The following TANGO6 variants were observed in gnomAD, a reference collection of about 807,000 sequenced individuals.
The protein encoded by TANGO6 is transport and golgi organization 6 homolog, also known as transport and Golgi organization protein 6 homolog.
Under a neutral mutation model 114.2 loss-of-function variants are expected in TANGO6, and 90 were observed. That is an observed-to-expected ratio of 0.79 (90% CI 0.66 to 0.94). The LOEUF is 0.94. Among genes scored for constraint, TANGO6 ranks in the 40% least tolerant of loss-of-function variants. The pLI is 0.00. For missense variants in TANGO6, 1,274 were observed against 1,315.3 expected, an observed-to-expected ratio of 0.97 and a Z score of 0.49; for synonymous variants, 477 against 509.8, an observed-to-expected ratio of 0.94 and a Z score of 0.87.
intron 14 of TANGO6, among the ~76,000 whole-genome samples, chr16:68,964,754 C>T (rs917411056): frequency 1.3e-5 from 2 of 151,228 alleles, no homozygotes; most frequent in African/African-American, 2.4e-5. Context: ...TCAGTAGAGA[C>T]GGGATTTCGC....
chr16:68,940,927 G>A (rs952314485), intron 14 of TANGO6, among the ~76,000 whole-genome samples: 3 of 152,132 alleles, frequency 2.0e-5, no homozygotes, highest in Non-Finnish European at 4.4e-5. Context: ...CGGCTGGGAA[G>A]CCAAACGAAG....
chr16:68,926,243 C>T (rs1963166086), intron 12 of TANGO6, among the ~76,000 whole-genome samples: 1 of 152,040 alleles, frequency 6.6e-6, no homozygotes, highest in Admixed American at 6.6e-5. Context: ...CCTGTAATTC[C>T]AGCACTTTGG....
chr16:69,006,054 C>G (rs1964089175), intron 15 of TANGO6, among the ~76,000 whole-genome samples: 1 of 152,138 alleles, frequency 6.6e-6, no homozygotes, highest in Non-Finnish European at 1.5e-5. Context: ...TATATTGTCA[C>G]CATCGTTTAC....
rs534527633 is a variant in TANGO6 at position 69,043,229 on chromosome 16, A to G, written c.3108+2808A>G. Among the ~76,000 whole-genome samples the G allele has an allele frequency of 2.1e-3, 323 of 152,218 alleles. 2 individuals carry two copies. The highest frequency in any genetic ancestry group is 0.01 in the Middle Eastern group (3 of 294). On this transcript the variant is annotated intron_variant, in intron 17 of 17. Coordinates refer to ENST00000261778, the MANE Select transcript of TANGO6 (RefSeq NM_024562.2). Reference sequence around the variant, plus strand: ...CGACAGAGAGAGACTCTGTAAGTGCACACACCCTTACTGAGTGAGAGAGTG... The same window carrying G: ...CGACAGAGAGAGACTCTGTAAGTGCGCACACCCTTACTGAGTGAGAGAGTG...
chr16:68,846,708 T>C (rs1211197133), intron 1 of TANGO6: 2 of 169,342 alleles, frequency 1.2e-5, no homozygotes, highest in African/African-American at 4.9e-5. Flanking sequence ...GTTTTCACCA[T>C]ATTGGCCAGG....
intron 15 of TANGO6, among the ~76,000 whole-genome samples, chr16:68,983,666 G>T (rs1963862119): frequency 6.6e-6 from 1 of 152,162 alleles, no homozygotes; most frequent in African/African-American, 2.4e-5. Context: ...CTGCAGTTGA[G>T]TGTGGCAGTG....
rs149632414 is a variant in TANGO6 at position 68,998,801 on chromosome 16, A to G, written c.2843-24027A>G. ...TATTAAACTTGGCCTGATCATGTAT[A>G]TAAAGTGCAGCAAGAATAATTATTT... On this transcript the variant is annotated intron_variant, in intron 15 of 17. Transcript: ENST00000261778. Among the ~76,000 whole-genome samples, 4 of 152,152 alleles carry G rather than the reference A, an allele frequency of 2.6e-5. No individual in the cohort carries two copies. The East Asian group carries it at 7.7e-4, about 29-fold the overall frequency.
At chr16:68,860,558 T>G in intron 2 of TANGO6, 34 bp downstream of exon 2, 5 of 1,595,148 alleles carry the variant, frequency 3.1e-6, no homozygotes, top group Non-Finnish European at 4.3e-6. Flanking sequence ...GAGGGAGAGA[T>G]TGTGTGTGTA....
intron 7 of TANGO6, among the ~76,000 whole-genome samples, chr16:68,889,198 T>C (rs770565744): frequency 6.6e-6 from 1 of 152,178 alleles, no homozygotes; most frequent in East Asian, 1.9e-4. Flanking sequence ...TTCCCATATA[T>C]CTATCTCCAG....
intron 16 of TANGO6, among the ~76,000 whole-genome samples, chr16:69,032,407 A>C (rs1959610828): frequency 1.3e-5 from 2 of 151,996 alleles, no homozygotes; most frequent in African/African-American, 4.8e-5. Flanking sequence ...CTGGGACTAC[A>C]GGCATGTGCC....
chr16:69,048,180 T>C (rs529542613), intron 17 of TANGO6, among the ~76,000 whole-genome samples: 1 of 152,008 alleles, frequency 6.6e-6, no homozygotes, highest in South Asian at 2.1e-4. Flanking sequence ...CCTCCTGGGT[T>C]CAAGCGATTC....
chr16:68,972,413 G>T (rs2152212516), intron 14 of TANGO6, among the ~76,000 whole-genome samples: 1 of 152,296 alleles, frequency 6.6e-6, no homozygotes, highest in East Asian at 1.9e-4. Flanking sequence ...GACTTTGCCT[G>T]CAAGGCTGTC....
chr16:68,875,990 A>G (rs1002151340), intron 5 of TANGO6, among the ~76,000 whole-genome samples: 10 of 152,140 alleles, frequency 6.6e-5, no homozygotes, highest in South Asian at 2.1e-4. Flanking sequence ...TCTCCCTACC[A>G]TTCCTGTTCT....
chr16:69,018,139 C>CTTTTTTTTTTTTTTTTTT lies in TANGO6; in HGVS notation c.2843-4684_2843-4667dup, dbSNP rs34796579. Among the ~76,000 whole-genome samples, 45 of 77,078 alleles carry CTTTTTTTTTTTTTTTTTT rather than the reference C, an allele frequency of 5.8e-4. 1 individual carries two copies. Among genetic ancestry groups the CTTTTTTTTTTTTTTTTTT allele is most frequent in the African/African-American group, 2.0e-3 (42 of 21,524 alleles). The allele number at this position is 77,078 out of a possible 152,430, so 50.6% of individuals were successfully genotyped here. ...CACCATGCCCAGCCGTTGGAAATCTCTTTTTTTTTTTTTTTTTTTTTTGAG... is the reference window on the plus strand; with the variant it reads ...CACCATGCCCAGCCGTTGGAAATCTCTTTTTTTTTTTTTTTTTTTTTTTTTTTTTTTTTTTTTTTTGAG... On this transcript the variant is annotated intron_variant, in intron 15 of 17. Coordinates refer to ENST00000261778, the MANE Select transcript of TANGO6 (RefSeq NM_024562.2).
At position 68,915,241 on chromosome 16, in the gene TANGO6, G is replaced by T. The variant is rs187645836; in HGVS notation, c.1993-3844G>T. Among the ~76,000 whole-genome samples, 11 of 151,486 alleles carry T rather than the reference G, an allele frequency of 7.3e-5. No individual in the cohort carries two copies. The East Asian group carries it at 1.9e-3, about 27-fold the overall frequency. ...TGGAAGGCTAAATAGTCCTAGTTGA[G>T]TAATTTAGGAATGCTTTATATATTT... On this transcript the variant is annotated intron_variant, in intron 11 of 17. Coordinates refer to ENST00000261778, the MANE Select transcript of TANGO6 (RefSeq NM_024562.2).
Position 68,963,765 on chromosome 16 carries a change from C to T in TANGO6, c.2702-10263C>T, listed in dbSNP as rs1963617806. Among the ~76,000 whole-genome samples the T allele has an allele frequency of 2.0e-5, 3 of 152,332 alleles. No homozygotes were observed. The South Asian group carries it at 6.2e-4, about 32-fold the overall frequency. On this transcript the variant is annotated intron_variant, in intron 14 of 17. Transcript: ENST00000261778. Reference sequence around the variant, plus strand: ...AGTGCAGTCGTCAGCCTTCCCTGCACATTTGCTTCCTTTTCTGCGTACATA... The same window carrying T: ...AGTGCAGTCGTCAGCCTTCCCTGCATATTTGCTTCCTTTTCTGCGTACATA...
In TANGO6 at chr16:68,927,474, G is replaced by A. The variant is rs1270871733; in HGVS notation, c.2128-94G>A. 2.2e-6 allele frequency: 3 copies of A among 1,373,468 alleles called. No homozygotes were observed. The African/African-American group carries it at 4.3e-5, about 20-fold the overall frequency. The allele number at this position is 1,373,468 out of a possible 1,614,324, so 85.1% of individuals were successfully genotyped here. ...ACACCATGAGCAAGATTTGATCCCT[G>A]CCCTTTTTTCTCAGAATATGTTTCC... On this transcript the variant is annotated intron_variant, in intron 12 of 17. Coordinates refer to ENST00000261778, the MANE Select transcript of TANGO6 (RefSeq NM_024562.2).
intron 14 of TANGO6, among the ~76,000 whole-genome samples, chr16:68,953,050 T>TTTTATTATTATTATTATTA (rs1555525236): frequency 7.2e-6 from 1 of 139,214 alleles, no homozygotes. Context: ...ACAGGTATTT[T>TTTTATTATTATTATTATTA]TTATTATTAT....
At chr16:68,971,688 A>G (rs1963706467) in intron 14 of TANGO6, among the ~76,000 whole-genome samples, 1 of 151,766 alleles carries the variant, frequency 6.6e-6, no homozygotes, top group Non-Finnish European at 1.5e-5. Flanking sequence ...CTGGAGTGCA[A>G]TGGTGTGATC....
Sources: allele counts gnomAD v4.1 joint callset (sites outside exome capture counted in the v4.1 genomes callset), GRCh38; gene constraint gnomAD v4.1.1; transcripts MANE v1.5; gene names NCBI Gene and HGNC (gene_info 2026-07-23, HGNC 2026-07-21).